Variants in TOMM22 observed in about 807,000 individuals in gnomAD.
TOMM22 encodes mitochondrial import receptor subunit TOM22 homolog.
Under a neutral mutation model 17.1 loss-of-function variants are expected in TOMM22, and 3 were observed. That is an observed-to-expected ratio of 0.18 (90% CI 0.08 to 0.45). The LOEUF (loss-of-function observed/expected upper bound fraction) is 0.45, where lower values mean the gene tolerates loss of function less well. TOMM22 is among the 20% of genes least tolerant of loss of function. TOMM22 has a pLI of 0.99. For synonymous variants in TOMM22, 91 were observed against 74.0 expected (o/e 1.23, Z -1.18); for missense variants, 159 against 179.5 (o/e 0.89, Z 0.65).
chr22:38,682,010 G>A lies in TOMM22; in HGVS notation c.32G>A (p.Gly11Glu). 6.2e-7 allele frequency: 1 copy of A among 1,611,746 alleles called. No homozygotes were observed. The change falls in exon 1 of 4, where the codon GGG (glycine) becomes GAG (glutamate). Residue 11 changes from glycine (G) to glutamate (E), a missense_variant. Around this residue, in one of 3 missense-constraint regions of TOMM22, gnomAD observed 107 missense variants for 100.2 expected, o/e 1.07. Transcript: ENST00000216034. The stretch of plus-strand genomic sequence containing the variant: ...GCCGCCGTCGCTGCTGCCGGTGCAG[G>A]GGAACCCCAGTCCCCGGACGAATTG... Reference protein sequence around the residue: MAAAVAAAGAGEPQSPDELLP... With the variant: MAAAVAAAGAEEPQSPDELLP...
At position 38,685,092 on chromosome 22, in the gene TOMM22, CTT is replaced by C. The variant is rs1337380389; in HGVS notation, c.*1254_*1255del. The stretch of plus-strand genomic sequence containing the variant: ...CCCACCACGCCCAGCCAGAGTAAGC[CTT>C]TTGTGTGTTTATCAGATCAACCAAC... On this transcript the variant is annotated 3_prime_UTR_variant, in exon 4 of 4. Transcript: ENST00000216034. The C allele has an allele frequency of 1.3e-5, 2 of 152,140 alleles. No homozygotes were observed. Among genetic ancestry groups the C allele is most frequent in the African/African-American group, 2.4e-5 (1 of 41,416 alleles). 9.4% of individuals were successfully genotyped at this position (152,140 alleles called of 1,614,324 possible). A position where few individuals can be genotyped will look rare whatever the true frequency, so the allele number is the denominator to read the frequency against.
intron 3 of TOMM22, 31 bp from the exon 4 acceptor site, chr22:38,683,736 G>C: frequency 6.3e-7 from 1 of 1,584,444 alleles, no homozygotes; most frequent in Non-Finnish European, 8.7e-7. Flanking sequence ...AGGCCTGTAT[G>C]ATGCCTTACA....
In TOMM22 at chr22:38,684,109, C is replaced by G. The variant is rs2092488358; in HGVS notation, c.*268C>G. The stretch of plus-strand genomic sequence containing the variant: ...GCTCTGGTCACCCGACTCCTTTCAC[C>G]AAATTGCTCCTAACTGGAAGATCTC... On this transcript the variant is annotated 3_prime_UTR_variant, in exon 4 of 4. Coordinates refer to ENST00000216034, the MANE Select transcript of TOMM22 (RefSeq NM_020243.5). 1 of 406,670 alleles carries G rather than the reference C, an allele frequency of 2.5e-6. No homozygotes were observed. The highest frequency in any genetic ancestry group is 4.5e-6 in the Non-Finnish European group (1 of 222,436). 25.2% of individuals were successfully genotyped at this position (406,670 alleles called of 1,614,324 possible). A position where few individuals can be genotyped will look rare whatever the true frequency, so the allele number is the denominator to read the frequency against.
In TOMM22 at chr22:38,682,444, A is replaced by C; in HGVS notation, c.236+3A>C. 6.2e-7 allele frequency: 1 copy of C among 1,613,678 alleles called. No individual in the cohort carries two copies. The highest frequency in any genetic ancestry group is 8.5e-7 in the Non-Finnish European group (1 of 1,179,656). On this transcript the variant is annotated splice_donor_region_variant and intron_variant, in intron 2 of 3. Coordinates refer to ENST00000216034, the MANE Select transcript of TOMM22 (RefSeq NM_020243.5). Reference sequence around the variant, plus strand: ...TTTGTGGCTCAGAAAATGTACAGGTAAGGAACGAGGGCAAAGGCACTGGGT... The same window carrying C: ...TTTGTGGCTCAGAAAATGTACAGGTCAGGAACGAGGGCAAAGGCACTGGGT...
intron 3 of TOMM22, 145 bp from the exon 4 acceptor site, chr22:38,683,622 T>TG: frequency 1.7e-6 from 1 of 601,740 alleles, no homozygotes; most frequent in East Asian, 2.7e-5. Flanking sequence ...AATGTGTGGG[T>TG]GGGGATTGGG....
At position 38,684,964 on chromosome 22, in the gene TOMM22, TAG is replaced by T; in HGVS notation, c.*1126_*1127del. 1 of 152,192 alleles carries T rather than the reference TAG, an allele frequency of 6.6e-6. No homozygotes were observed. The highest frequency in any genetic ancestry group is 2.1e-4 in the South Asian group (1 of 4,818). 9.4% of individuals were successfully genotyped at this position (152,192 alleles called of 1,614,324 possible). On this transcript the variant is annotated 3_prime_UTR_variant, in exon 4 of 4. Transcript: ENST00000216034. ...CCCAGCTAGTTTCTTTTATTTTTGG[TAG>T]AGTCAGGGTTTCGCCTTGTTGCCCC...
At chr22:38,682,156 C>G (rs1024574440) in intron 1 of TOMM22, 61 bp downstream of exon 1, 3 of 1,524,786 alleles carry the variant, frequency 2.0e-6, no homozygotes, top group Non-Finnish European at 1.8e-6. Flanking sequence ...GTGGGATCCG[C>G]GTGGTACGGG....
At chr22:38,682,169 C>A in intron 1 of TOMM22, 74 bp downstream of exon 1, 1 of 1,510,338 alleles carries the variant, frequency 6.6e-7, no homozygotes. Context: ...GGTACGGGAT[C>A]GGAGCGAAGC....
chr22:38,682,934 C>G lies in TOMM22; in HGVS notation c.292C>G (p.Pro98Ala). ...GTTSFMILVL[P>A]VVFETEKLQM... ...CACTTCCTTTATGATCCTGGTTCTT[C>G]CCGTTGTCTTTGAGACGGAGAAGTT... Residue 98 changes from proline to alanine, a missense_variant, in exon 3 of 4, where the codon CCC becomes GCC. By Grantham distance (27) the Pro-to-Ala change is conservative. Around this residue, in one of 3 missense-constraint regions of TOMM22, gnomAD observed 19 missense variants for 44.6 expected, o/e 0.43. Transcript: ENST00000216034. 1 of 1,613,822 alleles carries G rather than the reference C, an allele frequency of 6.2e-7. No individual in the cohort carries two copies. Among genetic ancestry groups the G allele is most frequent in the Non-Finnish European group, 8.5e-7 (1 of 1,179,894 alleles).
At chr22:38,682,219 C>T in intron 1 of TOMM22, 104 bp from the exon 2 acceptor site, 1 of 1,497,924 alleles carries the variant, frequency 6.7e-7, no homozygotes, top group South Asian at 1.2e-5. Context: ...CTGCTGGGCC[C>T]TGGGTGCCCT....
chr22:38,682,999 G>A lies in TOMM22; in HGVS notation c.354+3G>A. The A allele has an allele frequency of 6.2e-7, 1 of 1,613,228 alleles. No homozygotes were observed. ...AGCAGCAACTGCAGCAGCGGCAGGT[G>A]AGCCCAGACCTTGGGCTTTTTGCCA... On this transcript the variant is annotated splice_donor_region_variant and intron_variant, in intron 3 of 3. Transcript: ENST00000216034.
rs1424397779 is a variant in TOMM22, at chr22:38,682,304, C to G, written c.118-19C>G. On this transcript the variant is annotated intron_variant, in intron 1 of 3. Transcript: ENST00000216034. ...GGATGTCGCTTTTTCGGCTAAGACC[C>G]GCGTCTACTCCACCACAGCTAGATG... The G allele has an allele frequency of 2.5e-6, 4 of 1,608,748 alleles. No homozygotes were observed. Among genetic ancestry groups the G allele is most frequent in the Non-Finnish European group, 8.5e-7 (1 of 1,175,532 alleles).
Position 38,684,994 on chromosome 22 carries a change from A to C in TOMM22, c.*1153A>C, listed in dbSNP as rs903021965. On this transcript the variant is annotated 3_prime_UTR_variant, in exon 4 of 4. Coordinates refer to ENST00000216034, the MANE Select transcript of TOMM22 (RefSeq NM_020243.5). Reference sequence around the variant, plus strand: ...TCAGGGTTTCGCCTTGTTGCCCCAGATAGTCTTGAACTCCTGAGTTCTAGC... The same window carrying C: ...TCAGGGTTTCGCCTTGTTGCCCCAGCTAGTCTTGAACTCCTGAGTTCTAGC... 3 of 151,936 alleles carry C rather than the reference A, an allele frequency of 2.0e-5. No homozygotes were observed. Among genetic ancestry groups the C allele is most frequent in the Non-Finnish European group, 4.4e-5 (3 of 68,004 alleles). The allele number at this position is 151,936 out of a possible 1,614,324, so 9.4% of individuals were successfully genotyped here.
chr22:38,683,597 A>C (rs1351724790), intron 3 of TOMM22, among the ~76,000 whole-genome samples, 170 bp from the exon 4 acceptor site: 1 of 152,200 alleles, frequency 6.6e-6, no homozygotes, highest in Non-Finnish European at 1.5e-5. Context: ...GTAGCACCTG[A>C]GTTGACCAAC....
chr22:38,681,961 C>G lies in TOMM22; in HGVS notation c.-18C>G. ...GGCTGCGCTCACCTCCTTTCCGCTT[C>G]CGGTGTCCCCTACAGTCATGGCTGC... is the stretch of plus-strand genomic sequence containing the variant. On this transcript the variant is annotated 5_prime_UTR_variant, in exon 1 of 4. Transcript: ENST00000216034. The G allele has an allele frequency of 3.7e-6, 6 of 1,600,288 alleles. No individual in the cohort carries two copies. Among genetic ancestry groups the G allele is most frequent in the Non-Finnish European group, 5.1e-6 (6 of 1,169,510 alleles).
chr22:38,682,736 TAGGAGTATGGTGTAAGGA>T (rs2092482918), intron 2 of TOMM22, 125 bp from the exon 3 acceptor site: 2 of 747,632 alleles, frequency 2.7e-6, no homozygotes, highest in South Asian at 1.6e-5. Flanking sequence ...CTGTCTCTGG[TAGGAGTATGGTGTAAGGA>T]GCGGGTAGAA....
Position 38,682,086 on chromosome 22 carries a change from C to A in TOMM22, c.108C>A (p.Asp36Glu). The stretch of plus-strand genomic sequence containing the variant: ...CTGAGGAGGAGCTGGAGGAGGACGA[C>A]GATGAGGAGGTACTAGGGCCTCGCG... Reference protein sequence around the residue: ...EKPEEELEEDDDEELDETLSE... With the variant: ...EKPEEELEEDEDEELDETLSE... Residue 36 changes from aspartate (D) to glutamate (E), a missense_variant, in exon 1 of 4, where the codon GAC becomes GAA. Transcript: ENST00000216034. The A allele has an allele frequency of 6.3e-7, 1 of 1,581,092 alleles. No homozygotes were observed. The highest frequency in any genetic ancestry group is 8.6e-7 in the Non-Finnish European group (1 of 1,163,514).
In TOMM22 at chr22:38,684,471, A is replaced by G. The variant is rs1030430241; in HGVS notation, c.*630A>G. ...TCACTTTTTGTATTTAAATATTAAA[A>G]ATGATTCCAACTGAAAGTGTCATCC... On this transcript the variant is annotated 3_prime_UTR_variant, in exon 4 of 4. Coordinates refer to ENST00000216034, the MANE Select transcript of TOMM22 (RefSeq NM_020243.5). The G allele has an allele frequency of 6.6e-6, 1 of 152,208 alleles. No homozygotes were observed. The highest frequency in any genetic ancestry group is 1.5e-5 in the Non-Finnish European group (1 of 68,064). The allele number at this position is 152,208 out of a possible 1,614,324, so 9.4% of individuals were successfully genotyped here. A position where few individuals can be genotyped will look rare whatever the true frequency, so the allele number is the denominator to read the frequency against.
intron 3 of TOMM22, 115 bp from the exon 4 acceptor site, chr22:38,683,652 A>G: frequency 1.3e-6 from 1 of 751,170 alleles, no homozygotes; most frequent in South Asian, 1.7e-5. Flanking sequence ...ATGCTCTTTT[A>G]GTTGTCTGAC....
Sources: allele counts gnomAD v4.1 joint callset (sites outside exome capture counted in the v4.1 genomes callset), GRCh38; gene constraint gnomAD v4.1.1; regional missense constraint gnomAD v4.1.1; transcripts MANE v1.5; gene names NCBI Gene and HGNC (gene_info 2026-07-23, HGNC 2026-07-21).